The following INPP5A variants were observed in gnomAD, a reference collection of about 807,000 sequenced individuals.
INPP5A encodes the protein 43 kDa inositol polyphosphate 5-phophatase.
A neutral mutation model predicts 65.2 loss-of-function variants in INPP5A; 14 were observed. That is an observed-to-expected ratio of 0.21 (90% CI 0.14 to 0.34). INPP5A has a LOEUF of 0.34. INPP5A is among the 10% of genes least tolerant of loss of function. The pLI, the probability that INPP5A is intolerant of heterozygous loss-of-function variation, is 1.00. For synonymous variants in INPP5A, 207 were observed against 208.3 expected, an observed-to-expected ratio of 0.99 and a Z score of 0.05; for missense variants, 431 against 545.6, an observed-to-expected ratio of 0.79 and a Z score of 2.09.
chr10:132,602,791 T>C (rs932109412), intron 1 of INPP5A, among the ~76,000 whole-genome samples: 1 of 152,228 alleles, frequency 6.6e-6, no homozygotes, highest in Non-Finnish European at 1.5e-5. Context: ...CTGGTGTTCC[T>C]GCTCTTAGAG....
In INPP5A at chr10:132,705,303, A is replaced by G. The variant is rs2275267; in HGVS notation, c.475-3010A>G. Among the ~76,000 whole-genome samples, 2,272 of 152,310 alleles carry G rather than the reference A, an allele frequency of 0.015. 34 individuals are homozygous for G. Among genetic ancestry groups the G allele is most frequent in the South Asian group, 0.039 (189 of 4,824 alleles). Reference sequence around the variant, plus strand: ...GAGACAAGTGTCTGGTGCAGCACGCAGGGAGCCTGCCACCCCGCCACCCCG... The same window carrying G: ...GAGACAAGTGTCTGGTGCAGCACGCGGGGAGCCTGCCACCCCGCCACCCCG... On this transcript the variant is annotated intron_variant, in intron 6 of 15. Coordinates refer to ENST00000368594, the MANE Select transcript of INPP5A (RefSeq NM_005539.5). This position sits in a 1 kb window ranked among gnomAD's most constrained non-coding sequence, Gnocchi z 4.9.
intron 7 of INPP5A, among the ~76,000 whole-genome samples, chr10:132,708,821 G>A (rs1845584785): frequency 6.6e-6 from 1 of 152,208 alleles, no homozygotes; most frequent in Non-Finnish European, 1.5e-5. Context: ...TTTCTGCAGT[G>A]AACATGTTCT....
intron 12 of INPP5A, among the ~76,000 whole-genome samples, chr10:132,771,978 A>G (rs866261408): frequency 0.046 from 87 of 1,904 alleles, 37 homozygotes; most frequent in Middle Eastern, 0.25. Flanking sequence ...CAGCCACCCC[A>G]CGAGGAGTGG....
Position 132,546,973 on chromosome 10 carries a change from T to G in INPP5A, c.75+8802T>G, listed in dbSNP as rs1228616575. On this transcript the variant is annotated intron_variant, in intron 1 of 15. Transcript: ENST00000368594. This position sits in a 1 kb window ranked among gnomAD's most constrained non-coding sequence, Gnocchi z 5.7. ...TGTCATCTGCCGCAGACAGCCTTCC[T>G]TTCTGCGTCCTCCCCTCTCGGGGTC... 6.6e-6 allele frequency among the ~76,000 whole-genome samples: 1 copy of G among 152,144 alleles called. No individual in the cohort carries two copies. The highest frequency in any genetic ancestry group is 1.5e-5 in the Non-Finnish European group (1 of 68,012).
At chr10:132,626,561 C>T (rs12761973) in intron 2 of INPP5A, among the ~76,000 whole-genome samples, 24,205 of 152,224 alleles carry the variant, frequency 0.16, 2,319 homozygotes, top group Admixed American at 0.26. Context: ...TGGGAGCTGG[C>T]GTGTTCAAGA....
At chr10:132,775,101 C>T (rs181361026) in intron 12 of INPP5A, among the ~76,000 whole-genome samples, 5 of 1,214 alleles carry the variant, frequency 4.1e-3, no homozygotes, top group East Asian at 0.031. Flanking sequence ...GGAGGAGAGA[C>T]AGGCAGGGAG....
In INPP5A at chr10:132,587,433, C is replaced by T. The variant is rs1248384864; in HGVS notation, c.76-20482C>T. Among the ~76,000 whole-genome samples, 1 of 152,160 alleles carries T rather than the reference C, an allele frequency of 6.6e-6. No homozygotes were observed. Among genetic ancestry groups the T allele is most frequent in the African/African-American group, 2.4e-5 (1 of 41,432 alleles). On this transcript the variant is annotated intron_variant, in intron 1 of 15. Coordinates refer to ENST00000368594, the MANE Select transcript of INPP5A (RefSeq NM_005539.5). The surrounding 1 kb of genome is among the most constrained non-coding windows in gnomAD (Gnocchi z 4.3). ...GGGGCTGGCAGGGATCCTGGCATGG[C>T]CTGTGTGATTCGAGGTCAGAAATCA...
chr10:132,640,735 C>T (rs890420335), intron 2 of INPP5A, among the ~76,000 whole-genome samples: 16 of 152,248 alleles, frequency 1.1e-4, no homozygotes, highest in Admixed American at 3.9e-4. Context: ...CTTGTAGTGC[C>T]TTTTAGTTGA....
rs141069261 is a variant in INPP5A at position 132,562,568 on chromosome 10, C to T, written c.75+24397C>T. ...GAGACTGCGTTCTGGATGTGGCTGCCGCCTGCGGCTCCCAGCACGTGAAAC... is the reference window on the plus strand; with the variant it reads ...GAGACTGCGTTCTGGATGTGGCTGCTGCCTGCGGCTCCCAGCACGTGAAAC... On this transcript the variant is annotated intron_variant, in intron 1 of 15. Coordinates refer to ENST00000368594, the MANE Select transcript of INPP5A (RefSeq NM_005539.5). 2.6e-5 allele frequency among the ~76,000 whole-genome samples: 4 copies of T among 152,356 alleles called. No individual in the cohort carries two copies. In the East Asian group the frequency reaches 5.8e-4, roughly 22 times the overall value.
rs756011520 is a variant in INPP5A at position 132,777,796 on chromosome 10, G to A, written c.1089+14G>A. On this transcript the variant is annotated intron_variant, in intron 13 of 15. Coordinates refer to ENST00000368594, the MANE Select transcript of INPP5A (RefSeq NM_005539.5). ...CTGGTGCTGCGGGTGAGTGTGTGCT[G>A]CCCCAGCCCTGGGCACAGAGGGATG... is the stretch of plus-strand genomic sequence containing the variant. 6.2e-7 allele frequency: 1 copy of A among 1,611,804 alleles called. No individual in the cohort carries two copies. Among genetic ancestry groups the A allele is most frequent in the African/African-American group, 1.3e-5 (1 of 74,994 alleles).
intron 8 of INPP5A, among the ~76,000 whole-genome samples, chr10:132,723,306 C>G (rs1372873477): frequency 6.6e-6 from 1 of 152,246 alleles, no homozygotes; most frequent in East Asian, 1.9e-4. Flanking sequence ...TGAGGGCCAG[C>G]CGGGAGGCCG....
At chr10:132,573,447 G>A (rs1251052087) in intron 1 of INPP5A, among the ~76,000 whole-genome samples, 3 of 103,614 alleles carry the variant, frequency 2.9e-5, no homozygotes, top group African/African-American at 8.8e-5. Flanking sequence ...TGTACGTGCC[G>A]TGTGAGGTTT....
chr10:132,716,356 G>A (rs1048142281), intron 8 of INPP5A, among the ~76,000 whole-genome samples: 4 of 152,232 alleles, frequency 2.6e-5, no homozygotes, highest in Non-Finnish European at 5.9e-5. Context: ...CCAGCTGGAG[G>A]CAAGCGTCGA....
chr10:132,723,360 C>G (rs1350919406), intron 8 of INPP5A, among the ~76,000 whole-genome samples: 3 of 152,274 alleles, frequency 2.0e-5, no homozygotes, highest in Non-Finnish European at 4.4e-5. Flanking sequence ...AGAGTTTGTT[C>G]CGTCAGGGTT....
intron 4 of INPP5A, among the ~76,000 whole-genome samples, chr10:132,671,883 A>G (rs2072897481): frequency 6.6e-6 from 1 of 152,208 alleles, no homozygotes; most frequent in Admixed American, 6.5e-5. Flanking sequence ...TGTACTCTCA[A>G]CCAGCCTGCT....
chr10:132,543,608 A>C (rs943424319), intron 1 of INPP5A, among the ~76,000 whole-genome samples: 5 of 152,234 alleles, frequency 3.3e-5, no homozygotes, highest in Non-Finnish European at 7.3e-5. Flanking sequence ...TGAGAAGATG[A>C]GGTCTCACTA....
intron 9 of INPP5A, 101 bp from the exon 10 acceptor site, chr10:132,749,416 T>G (rs775973039): frequency 1.1e-4 from 120 of 1,078,530 alleles, no homozygotes; most frequent in South Asian, 6.3e-4. Context: ...AGCTGCTGTC[T>G]GGAACCAGCC....
chr10:132,693,192 T>TA (rs1845295853), intron 5 of INPP5A, among the ~76,000 whole-genome samples: 1 of 152,104 alleles, frequency 6.6e-6, no homozygotes, highest in Admixed American at 6.5e-5. Context: ...AGAGGAGAGA[T>TA]AATGGAATCA....
intron 1 of INPP5A, among the ~76,000 whole-genome samples, chr10:132,564,958 C>T (rs755608209): frequency 3.3e-5 from 5 of 152,314 alleles, no homozygotes; most frequent in Middle Eastern, 3.4e-3. Flanking sequence ...TCTGCCACCC[C>T]GCTCCCCACA....
Sources: allele counts gnomAD v4.1 joint callset (sites outside exome capture counted in the v4.1 genomes callset), GRCh38; gene constraint gnomAD v4.1.1; non-coding constraint Gnocchi (gnomAD v3.1); transcripts MANE v1.5; gene names NCBI Gene and HGNC (gene_info 2026-07-23, HGNC 2026-07-21).